LRRC4C: variants seen among roughly 807,000 people sequenced by gnomAD.
LRRC4C encodes the protein leucine-rich repeat-containing protein 4C.
LRRC4C carries 5 observed loss-of-function variants against 33.6 expected under a neutral mutation model. That is an observed-to-expected ratio of 0.15 (90% CI 0.08 to 0.31). The LOEUF (loss-of-function observed/expected upper bound fraction) is 0.31. LRRC4C is among the 10% of genes least tolerant of loss of function. LRRC4C has a pLI of 1.00. For synonymous variants in LRRC4C, 329 were observed against 302.0 expected (o/e 1.09, Z -0.93); for missense variants, 560 against 796.7 (o/e 0.70, Z 3.58).
intron 3 of LRRC4C, among the ~76,000 whole-genome samples, chr11:40,435,743 T>C (rs893575441): frequency 2.0e-5 from 3 of 152,178 alleles, no homozygotes; most frequent in South Asian, 4.1e-4. Context: ...AATTATAATA[T>C]TTATATGCAA....
At chr11:40,170,367 G>T (rs140695797) in intron 5 of LRRC4C, among the ~76,000 whole-genome samples, 14 of 152,138 alleles carry the variant, frequency 9.2e-5, no homozygotes, top group African/African-American at 3.4e-4. Flanking sequence ...CCTGTAAAGG[G>T]CTCACTCGGT....
intron 3 of LRRC4C, among the ~76,000 whole-genome samples, chr11:40,591,468 C>G (rs140795587): frequency 6.6e-6 from 1 of 152,130 alleles, no homozygotes; most frequent in Non-Finnish European, 1.5e-5. Context: ...AGCTGTAGAC[C>G]GGAGCTGTTC....
intron 2 of LRRC4C, among the ~76,000 whole-genome samples, chr11:40,854,090 G>A (rs529271410): frequency 2.0e-5 from 3 of 152,242 alleles, no homozygotes; most frequent in Non-Finnish European, 2.9e-5. Flanking sequence ...CAAATGCCTC[G>A]GCAGTGGCAG....
chr11:40,606,206 G>A (rs1424394541), intron 3 of LRRC4C, among the ~76,000 whole-genome samples: 1 of 152,148 alleles, frequency 6.6e-6, no homozygotes, highest in Non-Finnish European at 1.5e-5. Flanking sequence ...AAGCCTAGGA[G>A]TTAGTGAAGG....
chr11:40,275,418 C>T (rs1264612419), intron 4 of LRRC4C, among the ~76,000 whole-genome samples: 1 of 152,066 alleles, frequency 6.6e-6, no homozygotes, highest in Admixed American at 6.6e-5. Flanking sequence ...CCTTGGGAAA[C>T]CCTGGGAAAT....
At chr11:41,401,676 G>A (rs1164797772) in intron 1 of LRRC4C, among the ~76,000 whole-genome samples, 1 of 151,896 alleles carries the variant, frequency 6.6e-6, no homozygotes, top group Admixed American at 6.6e-5. Flanking sequence ...CAACTTACTA[G>A]CTGTGAAATT....
chr11:40,372,873 T>G (rs762537335), intron 3 of LRRC4C, among the ~76,000 whole-genome samples: 72 of 149,826 alleles, frequency 4.8e-4, no homozygotes, highest in South Asian at 1.0e-3. Flanking sequence ...ATATGCTCAA[T>G]TTTAGCAGAG....
At chr11:40,774,354 A>G (rs1391566969) in intron 2 of LRRC4C, among the ~76,000 whole-genome samples, 1 of 152,156 alleles carries the variant, frequency 6.6e-6, no homozygotes, top group Non-Finnish European at 1.5e-5. Context: ...TTCTGTGAAC[A>G]TATACTATAT....
At chr11:40,842,878 C>T (rs1413502948) in intron 2 of LRRC4C, among the ~76,000 whole-genome samples, 1 of 152,164 alleles carries the variant, frequency 6.6e-6, no homozygotes, top group Non-Finnish European at 1.5e-5. Context: ...TGTTTTCATT[C>T]ACCAAGCTCC....
chr11:40,728,461 A>C (rs940228364), intron 2 of LRRC4C, among the ~76,000 whole-genome samples: 4 of 151,380 alleles, frequency 2.6e-5, no homozygotes, highest in African/African-American at 9.7e-5. Context: ...AAAAAAAAAA[A>C]ACTAAAAACA....
chr11:41,083,483 GT>G (rs1939729945), intron 1 of LRRC4C, among the ~76,000 whole-genome samples: 2 of 152,226 alleles, frequency 1.3e-5, no homozygotes, highest in South Asian at 4.1e-4. Context: ...TTAGGACAGG[GT>G]TTTCCATTCA....
At chr11:40,868,421 T>C (rs1954475158) in intron 2 of LRRC4C, among the ~76,000 whole-genome samples, 1 of 152,138 alleles carries the variant, frequency 6.6e-6, no homozygotes, top group African/African-American at 2.4e-5. Flanking sequence ...TTTGTTCTCA[T>C]TCCCATGGCA....
intron 3 of LRRC4C, among the ~76,000 whole-genome samples, chr11:40,564,291 C>CA (rs1957668706): frequency 1.3e-5 from 2 of 151,836 alleles, no homozygotes; most frequent in East Asian, 1.9e-4. Flanking sequence ...CCTTGTAAGA[C>CA]AAAAAAAGGA....
At chr11:40,704,788 C>T (rs531270073) in intron 2 of LRRC4C, among the ~76,000 whole-genome samples, 77 of 152,220 alleles carry the variant, frequency 5.1e-4, no homozygotes, top group African/African-American at 1.8e-3. Context: ...CTATTATTAA[C>T]AATATCATTT....
At chr11:40,431,107 A>AT (rs68177036) in intron 3 of LRRC4C, among the ~76,000 whole-genome samples, 80,921 of 135,576 alleles carry the variant, frequency 0.6, 23,998 homozygotes, top group Non-Finnish European at 0.61. Context: ...TAAAAAAAAA[A>AT]AAAAAAAATA....
rs1295651052 is a variant in LRRC4C, at chr11:41,303,340, C to T, written c.-496+156091G>A. On this transcript the variant is annotated intron_variant, in intron 1 of 6. Transcript: ENST00000528697. The stretch of plus-strand genomic sequence containing the variant: ...CTAACCGCGAGTGATCTGCCAACCT[C>T]GGCCTCCCGAGGTGCCGGGATTGCA... 1.2e-3 allele frequency among the ~76,000 whole-genome samples: 144 copies of T among 117,822 alleles called. 1 individual carries two copies. The highest frequency in any genetic ancestry group is 2.2e-3 in the Non-Finnish European group (122 of 54,560). 77.3% of individuals were successfully genotyped at this position (117,822 alleles called of 152,430 possible). A position where few individuals can be genotyped will look rare whatever the true frequency, so the allele number is the denominator to read the frequency against.
intron 2 of LRRC4C, among the ~76,000 whole-genome samples, chr11:40,665,362 ATGTATATATATATATATATATATAT>A (rs1943740683): frequency 7.2e-5 from 1 of 13,956 alleles, no homozygotes; most frequent in African/African-American, 2.1e-4. Flanking sequence ...ATATATATAT[ATGTATATATATATATATATATATAT>A]TATTAGGGGT....
At chr11:41,255,817 G>T (rs907022002) in intron 1 of LRRC4C, among the ~76,000 whole-genome samples, 8 of 151,936 alleles carry the variant, frequency 5.3e-5, no homozygotes, top group Admixed American at 4.6e-4. Context: ...CCAACTACGT[G>T]TCTGGATCAA....
At chr11:41,297,976 A>G (rs1950187941) in intron 1 of LRRC4C, among the ~76,000 whole-genome samples, 1 of 152,106 alleles carries the variant, frequency 6.6e-6, no homozygotes, top group South Asian at 2.1e-4. Flanking sequence ...GGAAAGACAC[A>G]CCCTTATATC....
Sources: allele counts gnomAD v4.1 joint callset (sites outside exome capture counted in the v4.1 genomes callset), GRCh38; gene constraint gnomAD v4.1.1; transcripts MANE v1.5; gene names NCBI Gene and HGNC (gene_info 2026-07-23, HGNC 2026-07-21).